Variants in ARHGEF3 observed in about 807,000 individuals in gnomAD.
ARHGEF3 encodes the protein 59.8 kDA protein.
ARHGEF3 carries 28 observed loss-of-function variants against 63.2 expected under a neutral mutation model. The observed-to-expected ratio is 0.44, with a 90% confidence interval of 0.33 to 0.61. The LOEUF is 0.61. Ranked by LOEUF, ARHGEF3 falls within the 20% of genes least tolerant of loss-of-function variation. ARHGEF3 has a pLI of 0.03. For synonymous variants in ARHGEF3, 266 were observed against 254.2 expected (o/e 1.05, Z -0.44); for missense variants, 533 against 659.3 (o/e 0.81, Z 2.10).
rs1282350785 is a variant in ARHGEF3 at position 56,968,271 on chromosome 3, T to C, written c.63-9382A>G. On this transcript the variant is annotated intron_variant, in intron 2 of 12. Coordinates refer to the ARHGEF3 transcript ENST00000338458. Reference sequence around the variant, plus strand: ...TAATATATAATATTTAAATATATAATATATAAAATATATATAATATATATA... The same window carrying C: ...TAATATATAATATTTAAATATATAACATATAAAATATATATAATATATATA... Among the ~76,000 whole-genome samples the C allele has an allele frequency of 1.0e-3, 49 of 48,990 alleles. 2 individuals carry two copies. The highest frequency in any genetic ancestry group is 3.3e-3 in the African/African-American group (49 of 15,060). The allele number at this position is 48,990 out of a possible 152,430, so 32.1% of individuals were successfully genotyped here. A position where few individuals can be genotyped will look rare whatever the true frequency, so the allele number is the denominator to read the frequency against.
At position 57,008,329 on chromosome 3, in the gene ARHGEF3, G is replaced by A. The variant is rs144830664; in HGVS notation, c.62+26759C>T. On this transcript the variant is annotated intron_variant, in intron 2 of 12. Transcript: ENST00000338458. Reference sequence around the variant, plus strand: ...TTCCTGGGGCTCCTGTGGTCACTCTGCTAGCTCCACAGAGCAGTTTGGATG... The same window carrying A: ...TTCCTGGGGCTCCTGTGGTCACTCTACTAGCTCCACAGAGCAGTTTGGATG... 4.0e-3 allele frequency among the ~76,000 whole-genome samples: 605 copies of A among 152,126 alleles called. 1 individual carries two copies. The highest frequency in any genetic ancestry group is 6.2e-3 in the Non-Finnish European group (421 of 67,996).
intron 1 of ARHGEF3, among the ~76,000 whole-genome samples, chr3:57,039,503 C>T (rs1704091657): frequency 6.6e-6 from 1 of 152,190 alleles, no homozygotes; most frequent in Non-Finnish European, 1.5e-5. Flanking sequence ...ATTTGTCTTT[C>T]ATTGCTGCTG....
intron 3 of ARHGEF3, among the ~76,000 whole-genome samples, chr3:56,886,418 G>A (rs1487546257): frequency 3.3e-5 from 5 of 152,200 alleles, no homozygotes; most frequent in African/African-American, 4.8e-5. Context: ...GAAGAAGGGC[G>A]TACAGATGGA....
At chr3:56,941,174 C>A (rs548500117) in intron 3 of ARHGEF3, 1 of 152,416 alleles carries the variant, frequency 6.6e-6, no homozygotes, top group African/African-American at 2.4e-5. Context: ...CTTCTGTGTA[C>A]CCAGATTTCA....
At chr3:57,057,376 G>A (rs1704989504) in intron 1 of ARHGEF3, among the ~76,000 whole-genome samples, 1 of 152,168 alleles carries the variant, frequency 6.6e-6, no homozygotes, top group African/African-American at 2.4e-5. Context: ...CTCCCAAAAT[G>A]CTGGGATTAG....
intron 1 of ARHGEF3, among the ~76,000 whole-genome samples, chr3:57,068,843 A>C (rs1412493757): frequency 2.6e-5 from 4 of 152,066 alleles, no homozygotes; most frequent in Non-Finnish European, 5.9e-5. Context: ...CCCTCACTAA[A>C]GGATGGAAAC....
At chr3:56,744,329 C>G (rs2034239761) in intron 7 of ARHGEF3, among the ~76,000 whole-genome samples, 1 of 152,008 alleles carries the variant, frequency 6.6e-6, no homozygotes, top group South Asian at 2.1e-4. Flanking sequence ...CCCCATTTTT[C>G]CTCGTCTTCT....
chr3:56,986,796 G>A (rs185564465), intron 2 of ARHGEF3, among the ~76,000 whole-genome samples: 3 of 140,258 alleles, frequency 2.1e-5, no homozygotes, highest in South Asian at 2.3e-4. Flanking sequence ...GAGGATAAAC[G>A]CATGCGAATT....
At position 56,944,568 on chromosome 3, in the gene ARHGEF3, C is replaced by CTTTTTTTTTTTTT. The variant is rs1205155655; in HGVS notation, c.129+14242_129+14254dup. On this transcript the variant is annotated intron_variant, in intron 3 of 12. Transcript: ENST00000338458. ...TATGGATGAGCAAAGAAAGTGGTTT[C>CTTTTTTTTTTTTT]TTTTTTTTTTTTTTTTTTTTTTTTG... Among the ~76,000 whole-genome samples the CTTTTTTTTTTTTT allele has an allele frequency of 4.6e-5, 3 of 65,834 alleles. 1 individual carries two copies. Among genetic ancestry groups the CTTTTTTTTTTTTT allele is most frequent in the Admixed American group, 4.7e-4 (2 of 4,234 alleles). 43.2% of individuals were successfully genotyped at this position (65,834 alleles called of 152,430 possible).
At chr3:57,038,224 G>C (rs370213079) in intron 1 of ARHGEF3, among the ~76,000 whole-genome samples, 177 of 152,300 alleles carry the variant, frequency 1.2e-3, no homozygotes, top group African/African-American at 4.1e-3. Context: ...CTCGGTGGTG[G>C]CTGAATGAAT....
chr3:56,834,935 A>G (rs1204442687), intron 4 of ARHGEF3, among the ~76,000 whole-genome samples: 1 of 152,134 alleles, frequency 6.6e-6, no homozygotes, highest in Non-Finnish European at 1.5e-5. Flanking sequence ...TAGCAAAATG[A>G]TGATTTAATA....
intron 4 of ARHGEF3, among the ~76,000 whole-genome samples, chr3:56,878,049 T>C (rs1161504025): frequency 1.3e-5 from 2 of 152,232 alleles, no homozygotes; most frequent in Non-Finnish European, 2.9e-5. Context: ...AGAACGTATA[T>C]TCCTTTTTAT....
chr3:57,078,406 G>C (rs771133119), intron 1 of ARHGEF3: 1 of 152,282 alleles, frequency 6.6e-6, no homozygotes, highest in Non-Finnish European at 1.5e-5. Context: ...AGTCCTCTAA[G>C]AACAAGGCGC....
intron 1 of ARHGEF3, among the ~76,000 whole-genome samples, chr3:56,777,235 G>GC (rs2036326429): frequency 6.6e-6 from 1 of 152,058 alleles, no homozygotes; most frequent in African/African-American, 2.4e-5. Flanking sequence ...TCATGAATTG[G>GC]CAGTGGCTTT....
intron 2 of ARHGEF3, among the ~76,000 whole-genome samples, chr3:56,995,620 C>CGAGAGAGAGAGAGAGAGAGAGAGAGAGA (rs66778716): frequency 8.8e-6 from 1 of 113,194 alleles, no homozygotes; most frequent in African/African-American, 3.6e-5. Flanking sequence ...GTAAATTTTC[C>CGAGAGAGAGAGAGAGAGAGAGAGAGAGA]GAGAGAGAGA....
intron 1 of ARHGEF3, chr3:57,073,753 A>C: frequency 6.2e-7 from 1 of 1,614,182 alleles, no homozygotes; most frequent in Non-Finnish European, 8.5e-7. Context: ...GACACCTGGG[A>C]AATGAAGGCA....
chr3:56,749,170 G>A (rs2034581947), intron 6 of ARHGEF3, among the ~76,000 whole-genome samples: 1 of 152,096 alleles, frequency 6.6e-6, no homozygotes. Flanking sequence ...GCAACAACGG[G>A]CCAGTTGTTT....
intron 1 of ARHGEF3, among the ~76,000 whole-genome samples, chr3:57,070,686 C>T (rs889322803): frequency 1.3e-5 from 2 of 152,122 alleles, no homozygotes; most frequent in African/African-American, 4.8e-5. Flanking sequence ...AGGCTGGGCA[C>T]AGTGGCTAAC....
At chr3:57,018,268 G>T (rs1254010233) in intron 2 of ARHGEF3, among the ~76,000 whole-genome samples, 2 of 111,134 alleles carry the variant, frequency 1.8e-5, no homozygotes, top group Non-Finnish European at 3.5e-5. Flanking sequence ...GACAGAGCAA[G>T]GCTCTGTCAC....
Sources: gnomAD v4.1 joint callset for allele counts (sites outside exome capture counted in the v4.1 genomes callset) on GRCh38, gnomAD v4.1.1 for gene constraint, MANE v1.5 for transcripts, NCBI Gene and HGNC (gene_info 2026-07-23, HGNC 2026-07-21) for gene names.